COPS9: variants seen among roughly 807,000 people sequenced by gnomAD.
COPS9 encodes COP9 signalosome complex subunit 9.
In COPS9, 8 loss-of-function variants were observed where a neutral mutation model predicts 7.2. The ratio of observed to expected loss-of-function variants is 1.11; its 90% CI spans 0.65 to 2.00. COPS9 has a LOEUF of 2.00. Among genes scored for constraint, COPS9 ranks in the 30% most tolerant of loss-of-function variants. The pLI, the probability that COPS9 is intolerant of heterozygous loss-of-function variation, is 0.00. For missense variants in COPS9, 74 were observed against 77.7 expected (o/e 0.95, Z 0.18); for synonymous variants, 39 against 28.7 (o/e 1.36, Z -1.14).
downstream of COPS9, chr2:240,130,037 C>A: frequency 1.2e-6 from 2 of 1,605,368 alleles, no homozygotes; most frequent in Non-Finnish European, 1.7e-6. Flanking sequence ...TGCTGAGCCC[C>A]AACAAAGGAC....
chr2:240,133,936 TAA>T lies in COPS9; in HGVS notation c.131_132del (p.Phe44Ter). ...ATCCCATTCCAAGCATCCTTACCGTTAAAAAAGTCTGCATGAACGGCCTTTTC... is the reference window on the plus strand; with the variant it reads ...ATCCCATTCCAAGCATCCTTACCGTTAAAAGTCTGCATGAACGGCCTTTTC... ...ANEKAVHADFFNDFEDLFDDD... is the reference protein window; with the variant it reads ...ANEKAVHADFXNDFEDLFDDD... On this transcript the variant is annotated frameshift_variant, in exon 2 of 3. Transcript: ENST00000607357. LOFTEE classifies it high-confidence loss of function. The T allele has an allele frequency of 6.2e-7, 1 of 1,614,078 alleles. No homozygotes were observed. Among genetic ancestry groups the T allele is most frequent in the Non-Finnish European group, 8.5e-7 (1 of 1,179,960 alleles).
downstream of COPS9, among the ~76,000 whole-genome samples, chr2:240,130,455 G>A (rs1240466393): frequency 2.0e-5 from 3 of 152,242 alleles, no homozygotes; most frequent in African/African-American, 7.2e-5. Flanking sequence ...CACGTAGAAG[G>A]CGTCTCCTGC....
downstream of COPS9, among the ~76,000 whole-genome samples, chr2:240,127,658 G>T (rs1234425688): frequency 6.6e-6 from 1 of 152,140 alleles, no homozygotes; most frequent in Non-Finnish European, 1.5e-5. Flanking sequence ...ATCTGAGAGA[G>T]ACCCCATGCC....
chr2:240,136,058 G>T, intron 1 of COPS9, 164 bp downstream of exon 1: 1 of 1,158,160 alleles, frequency 8.6e-7, no homozygotes, highest in Non-Finnish European at 1.1e-6. Flanking sequence ...CCAGGTGCTC[G>T]GAGAAACCGG....
chr2:240,130,264 G>A (rs1051151776), downstream of COPS9, among the ~76,000 whole-genome samples: 5 of 152,204 alleles, frequency 3.3e-5, no homozygotes, highest in African/African-American at 1.2e-4. Context: ...GGGAACTGCT[G>A]AAGTCCTGGG....
chr2:240,136,129 T>TC, intron 1 of COPS9, 93 bp downstream of exon 1: 1 of 877,866 alleles, frequency 1.1e-6, no homozygotes, highest in South Asian at 2.3e-5. Flanking sequence ...CCGCCCGGCC[T>TC]CCCCTCCCCG....
chr2:240,134,107 G>T, intron 1 of COPS9, 102 bp from the exon 2 acceptor site: 3 of 1,069,768 alleles, frequency 2.8e-6, no homozygotes, highest in Non-Finnish European at 4.3e-6. Context: ...GAAGATGGGT[G>T]AGGGGAAACA....
downstream of COPS9, chr2:240,130,720 C>G: frequency 9.8e-7 from 1 of 1,017,448 alleles, no homozygotes; most frequent in Non-Finnish European, 1.2e-6. Context: ...ATGTGGTTCT[C>G]TCAGCGTGCT....
downstream of COPS9, among the ~76,000 whole-genome samples, chr2:240,128,204 G>C (rs149346505): frequency 1.0e-3 from 154 of 152,278 alleles, no homozygotes; most frequent in Non-Finnish European, 8.8e-5. Context: ...CCTGGGAGGC[G>C]TGTTACCAGA....
chr2:240,129,424 C>A (rs2071898623), downstream of COPS9, among the ~76,000 whole-genome samples: 1 of 152,190 alleles, frequency 6.6e-6, no homozygotes, highest in South Asian at 2.1e-4. Context: ...CCTCACCCTC[C>A]CCAAGAGCTG....
rs1467254734 is a variant in COPS9, at chr2:240,131,107, C to T, written c.137-19G>A. ...TCAAAATCTAGGGAAATAAGCAAAACCACGTAGTTACACCTACAAGGGTAA... is the reference window on the plus strand; with the variant it reads ...TCAAAATCTAGGGAAATAAGCAAAATCACGTAGTTACACCTACAAGGGTAA... On this transcript the variant is annotated intron_variant, in intron 2 of 2. Coordinates refer to ENST00000607357, the MANE Select transcript of COPS9 (RefSeq NM_001163424.2). The T allele has an allele frequency of 6.2e-7, 1 of 1,611,112 alleles. No individual in the cohort carries two copies.
chr2:240,130,376 AC>A (rs2071909751), downstream of COPS9, among the ~76,000 whole-genome samples: 3 of 152,240 alleles, frequency 2.0e-5, no homozygotes, highest in Admixed American at 2.0e-4. Flanking sequence ...AGCTGGGCCT[AC>A]AGGAAACAAG....
chr2:240,127,332 T>C (rs2071876901), downstream of COPS9, among the ~76,000 whole-genome samples: 1 of 151,264 alleles, frequency 6.6e-6, no homozygotes, highest in Non-Finnish European at 1.5e-5. Context: ...CAGTTAGGCT[T>C]AGGTCCAGTC....
downstream of COPS9, chr2:240,130,141 T>C (rs908778034): frequency 1.4e-5 from 11 of 775,486 alleles, no homozygotes; most frequent in South Asian, 3.5e-5. Context: ...AGATCTCACC[T>C]GGCCTCCAGT....
chr2:240,129,843 T>G, downstream of COPS9: 1 of 1,425,976 alleles, frequency 7.0e-7, no homozygotes, highest in Non-Finnish European at 9.7e-7. Context: ...CACGTGGGTC[T>G]CAGAAACAAA....
downstream of COPS9, among the ~76,000 whole-genome samples, chr2:240,127,518 C>T (rs570352063): frequency 2.0e-5 from 3 of 152,270 alleles, no homozygotes; most frequent in Admixed American, 6.5e-5. Flanking sequence ...AATTTGTGTC[C>T]CCTCAAAATT....
At chr2:240,136,134 TC>T in intron 1 of COPS9, 87 bp downstream of exon 1, 2 of 641,108 alleles carry the variant, frequency 3.1e-6, no homozygotes, top group Admixed American at 5.2e-5. Context: ...CGGCCTCCCC[TC>T]CCCGGGACCC....
At chr2:240,134,151 C>T (rs942435831) in intron 1 of COPS9, 146 bp from the exon 2 acceptor site, 7 of 687,952 alleles carry the variant, frequency 1.0e-5, no homozygotes, top group Non-Finnish European at 1.8e-5. Flanking sequence ...TAGTTCCAGA[C>T]ACAGGAATGT....
At chr2:240,135,318 A>G (rs111233946) in intron 1 of COPS9, among the ~76,000 whole-genome samples, 36 of 152,018 alleles carry the variant, frequency 2.4e-4, no homozygotes, top group African/African-American at 8.4e-4. Context: ...CCTCAGCTGT[A>G]CCTTTGCTGA....
Sources: gnomAD v4.1 joint callset for allele counts (sites outside exome capture counted in the v4.1 genomes callset) on GRCh38, gnomAD v4.1.1 for gene constraint, MANE v1.5 for transcripts, NCBI Gene and HGNC (gene_info 2026-07-23, HGNC 2026-07-21) for gene names.